Variants in SLC22A23 observed in about 807,000 individuals in gnomAD.
SLC22A23 encodes the protein ion transporter protein.
SLC22A23 carries 26 observed loss-of-function variants against 61.0 expected under a neutral mutation model. The observed-to-expected ratio is 0.43, with a 90% CI of 0.31 to 0.59. The LOEUF (loss-of-function observed/expected upper bound fraction) is 0.59, where lower values mean the gene tolerates loss of function less well. Among genes scored for constraint, SLC22A23 ranks in the 20% least tolerant of loss-of-function variants. The probability of loss-of-function intolerance (pLI) is 0.11; values close to 1 mark genes in which losing one functional copy is unlikely to be tolerated. For synonymous variants in SLC22A23, 430 were observed against 413.9 expected, an observed-to-expected ratio of 1.04 and a Z score of -0.47; for missense variants, 796 against 934.7, an observed-to-expected ratio of 0.85 and a Z score of 1.94.
chr6:3,382,483 G>GT, intron 3 of SLC22A23, among the ~76,000 whole-genome samples: 1 of 152,188 alleles, frequency 6.6e-6, no homozygotes, highest in Non-Finnish European at 1.5e-5. Flanking sequence ...ATCCTTGCCT[G>GT]TACTATTAAT....
intron 3 of SLC22A23, among the ~76,000 whole-genome samples, chr6:3,391,426 C>A (rs1767653136): frequency 6.6e-6 from 1 of 152,240 alleles, no homozygotes; most frequent in Admixed American, 6.5e-5. Context: ...GGGAATTGGA[C>A]TAAAAAGTCT....
chr6:3,306,295 C>T (rs911745318), intron 4 of SLC22A23, among the ~76,000 whole-genome samples: 8 of 152,158 alleles, frequency 5.3e-5, no homozygotes, highest in African/African-American at 9.7e-5. Context: ...CCTCCAACAC[C>T]GGGGGTCACA....
At chr6:3,418,402 C>T (rs1325701790) in intron 1 of SLC22A23, among the ~76,000 whole-genome samples, 1 of 152,198 alleles carries the variant, frequency 6.6e-6, no homozygotes, top group Non-Finnish European at 1.5e-5. Context: ...GAGGAAATTG[C>T]CAATACTGTT....
intron 1 of SLC22A23, among the ~76,000 whole-genome samples, chr6:3,422,354 A>C (rs1447603390): frequency 2.0e-5 from 3 of 152,196 alleles, no homozygotes; most frequent in Admixed American, 1.3e-4. Context: ...CCACCCTGGA[A>C]GATGAGTCAC....
At chr6:3,364,685 C>T (rs11242849) in intron 3 of SLC22A23, among the ~76,000 whole-genome samples, 52,525 of 151,886 alleles carry the variant, frequency 0.35, 9,125 homozygotes, top group Middle Eastern at 0.41. Flanking sequence ...TCGCTCCCAG[C>T]TGAGGCAGCC....
At chr6:3,455,868 G>A (rs990449974) in intron 1 of SLC22A23, 38 bp downstream of exon 1, 6 of 1,461,638 alleles carry the variant, frequency 4.1e-6, no homozygotes, top group Non-Finnish European at 5.4e-6. Context: ...CGGTCTGCAG[G>A]GAGAGGGTTG....
intron 3 of SLC22A23, among the ~76,000 whole-genome samples, chr6:3,325,608 T>G (rs1443014250): frequency 6.6e-6 from 1 of 152,200 alleles, no homozygotes; most frequent in Non-Finnish European, 1.5e-5. Context: ...ATAGGTCAGG[T>G]TCACTTAAAA....
intron 3 of SLC22A23, among the ~76,000 whole-genome samples, chr6:3,407,751 T>A (rs1233058825): frequency 4.6e-5 from 7 of 152,198 alleles, no homozygotes; most frequent in Non-Finnish European, 1.0e-4. Flanking sequence ...GTGGTCCCTA[T>A]CTAAGAAAAC....
intron 1 of SLC22A23, among the ~76,000 whole-genome samples, 183 bp downstream of exon 1, chr6:3,455,723 G>A (rs1043810295): frequency 2.6e-5 from 4 of 152,244 alleles, no homozygotes; most frequent in Non-Finnish European, 5.9e-5. Flanking sequence ...AGGCTATGGT[G>A]CTCCCTTTAC....
intron 4 of SLC22A23, among the ~76,000 whole-genome samples, chr6:3,301,621 AGAG>A (rs1418309255): frequency 6.6e-6 from 1 of 152,238 alleles, no homozygotes; most frequent in Non-Finnish European, 1.5e-5. Flanking sequence ...ATGACCCAGC[AGAG>A]GAGGAGCTGC....
At chr6:3,409,103 T>C (rs1769030066) in intron 3 of SLC22A23, among the ~76,000 whole-genome samples, 1 of 152,236 alleles carries the variant, frequency 6.6e-6, no homozygotes, top group Non-Finnish European at 1.5e-5. Flanking sequence ...CCAGGCCCAC[T>C]CATCTTGTCA....
intron 5 of SLC22A23, chr6:3,292,072 G>T (rs1441453326): frequency 1.3e-5 from 2 of 152,206 alleles, no homozygotes; most frequent in African/African-American, 2.4e-5. Flanking sequence ...ATGTTTTCAG[G>T]AAGCACATGA....
intron 6 of SLC22A23, among the ~76,000 whole-genome samples, chr6:3,287,328 T>C (rs1329474373): frequency 6.6e-6 from 1 of 152,232 alleles, no homozygotes; most frequent in Non-Finnish European, 1.5e-5. Context: ...CCCACTACCA[T>C]GGCTTTAATA....
At chr6:3,375,077 T>C (rs1034629557) in intron 3 of SLC22A23, among the ~76,000 whole-genome samples, 1 of 152,140 alleles carries the variant, frequency 6.6e-6, no homozygotes, top group African/African-American at 2.4e-5. Flanking sequence ...ATCCAAACAT[T>C]CTTTATTTCA....
At chr6:3,319,264 T>G (rs1186997147) in intron 4 of SLC22A23, among the ~76,000 whole-genome samples, 1 of 152,122 alleles carries the variant, frequency 6.6e-6, no homozygotes, top group Non-Finnish European at 1.5e-5. Flanking sequence ...GACCTTCCTC[T>G]CCCGGTTCCA....
At chr6:3,362,412 A>AAAC (rs1765523756) in intron 3 of SLC22A23, among the ~76,000 whole-genome samples, 1 of 99,472 alleles carries the variant, frequency 1.0e-5, no homozygotes, top group Non-Finnish European at 2.1e-5. Flanking sequence ...CACAAAAAAA[A>AAAC]AAAATAAAAT....
At position 3,297,733 on chromosome 6, in the gene SLC22A23, G is replaced by A. The variant is rs553298816; in HGVS notation, c.1210+358C>T. On this transcript the variant is annotated intron_variant, in intron 5 of 9. Transcript: ENST00000406686. This position sits in a 1 kb window ranked among gnomAD's most constrained non-coding sequence, Gnocchi z 4.3. ...ATGCTCAGGAAAGCTGAGGTCACAG[G>A]GGCCATCTACACCCTGAGCCAGCGC... 2.6e-5 allele frequency among the ~76,000 whole-genome samples: 4 copies of A among 151,902 alleles called. No homozygotes were observed. The East Asian group carries it at 5.8e-4, about 22-fold the overall frequency.
At chr6:3,369,137 C>T (rs1191446219) in intron 3 of SLC22A23, among the ~76,000 whole-genome samples, 2 of 151,586 alleles carry the variant, frequency 1.3e-5, no homozygotes, top group Non-Finnish European at 2.9e-5. Context: ...TAGTCTTCTT[C>T]TAGCATTTCG....
intron 9 of SLC22A23, among the ~76,000 whole-genome samples, chr6:3,278,671 G>A (rs1213973415): frequency 6.6e-6 from 1 of 152,206 alleles, no homozygotes; most frequent in Non-Finnish European, 1.5e-5. Flanking sequence ...GACAACCACG[G>A]AAATGAGCAA....
Sources: gnomAD v4.1 joint callset for allele counts (sites outside exome capture counted in the v4.1 genomes callset) on GRCh38, gnomAD v4.1.1 for gene constraint, Gnocchi (gnomAD v3.1) non-coding constraint, MANE v1.5 for transcripts, NCBI Gene and HGNC (gene_info 2026-07-23, HGNC 2026-07-21) for gene names.